The following PHACTR1 variants were observed in gnomAD, a reference collection of about 807,000 sequenced individuals.
PHACTR1 encodes the protein RPEL repeat containing 1.
PHACTR1 carries 16 observed loss-of-function variants against 69.2 expected under a neutral mutation model. That is an observed-to-expected ratio of 0.23 (90% confidence interval 0.16 to 0.35). The LOEUF (loss-of-function observed/expected upper bound fraction) is 0.35, where lower values mean the gene tolerates loss of function less well. PHACTR1 is among the 10% of genes least tolerant of loss of function. PHACTR1 has a pLI of 1.00. For missense variants in PHACTR1, 510 were observed against 734.7 expected (o/e 0.69, Z 3.54); for synonymous variants, 312 against 284.5 (o/e 1.10, Z -0.97).
intron 4 of PHACTR1, among the ~76,000 whole-genome samples, chr6:12,863,450 C>T (rs966467782): frequency 1.3e-5 from 2 of 152,216 alleles, no homozygotes; most frequent in African/African-American, 4.8e-5. Context: ...CCTCTAAATA[C>T]TGTCATATTG....
At chr6:13,277,986 A>T (rs924900707) in intron 11 of PHACTR1, 1 of 204,960 alleles carries the variant, frequency 4.9e-6, no homozygotes, top group African/African-American at 2.3e-5. Context: ...CCTTGTAGCC[A>T]CATTTCTCAA....
intron 7 of PHACTR1, among the ~76,000 whole-genome samples, chr6:13,201,560 G>A (rs924942742): frequency 6.6e-6 from 1 of 152,196 alleles, no homozygotes; most frequent in Non-Finnish European, 1.5e-5. Flanking sequence ...CTGGTACAGA[G>A]TGGGGACAGA....
chr6:12,753,749 G>A (rs752033821), intron 4 of PHACTR1, among the ~76,000 whole-genome samples: 1 of 152,054 alleles, frequency 6.6e-6, no homozygotes, highest in Non-Finnish European at 1.5e-5. Flanking sequence ...GACAATGGCA[G>A]TCAGAACTGG....
intron 4 of PHACTR1, among the ~76,000 whole-genome samples, chr6:12,932,708 C>G (rs1420367264): frequency 1.3e-5 from 2 of 152,154 alleles, no homozygotes; most frequent in Non-Finnish European, 2.9e-5. Flanking sequence ...CAGTGGTTTC[C>G]TAAGCTTTTG....
At chr6:13,072,586 G>C (rs1400269705) in intron 5 of PHACTR1, among the ~76,000 whole-genome samples, 1 of 152,014 alleles carries the variant, frequency 6.6e-6, no homozygotes, top group African/African-American at 2.4e-5. Context: ...TGTCATAGTA[G>C]AAACTCTAGC....
At chr6:13,267,629 T>C (rs1402378798) in intron 10 of PHACTR1, 1 of 152,136 alleles carries the variant, frequency 6.6e-6, no homozygotes, top group African/African-American at 2.4e-5. Flanking sequence ...AAACTGTTGA[T>C]CCAGTTTTAC....
intron 3 of PHACTR1, among the ~76,000 whole-genome samples, chr6:12,728,758 T>C (rs1199905806): frequency 6.6e-6 from 1 of 152,140 alleles, no homozygotes; most frequent in African/African-American, 2.4e-5. Context: ...TATGGTGTTT[T>C]AGAAAAACAT....
At chr6:12,795,827 T>G (rs1479117589) in intron 4 of PHACTR1, among the ~76,000 whole-genome samples, 4 of 152,114 alleles carry the variant, frequency 2.6e-5, no homozygotes, top group Non-Finnish European at 4.4e-5. Flanking sequence ...GAAAATTTTC[T>G]TCAGGGGAAG....
chr6:13,283,197 AT>A lies in PHACTR1; in HGVS notation c.1510-224del. On this transcript the variant is annotated intron_variant, in intron 12 of 14. Coordinates refer to ENST00000332995, the MANE Select transcript of PHACTR1 (RefSeq NM_030948.6). This position sits in a 1 kb window ranked among gnomAD's most constrained non-coding sequence, Gnocchi z 4.7. ...GCTTGGCCTAGAGGGTATGTAAGGG[AT>A]AACAAAGCTCTCTCTTAGGACCTAG... The A allele has an allele frequency of 2.1e-6, 1 of 485,594 alleles. No homozygotes were observed. The highest frequency in any genetic ancestry group is 3.6e-6 in the Non-Finnish European group (1 of 275,140). The allele number at this position is 485,594 out of a possible 1,614,324, so 30.1% of individuals were successfully genotyped here. A position where few individuals can be genotyped will look rare whatever the true frequency, so the allele number is the denominator to read the frequency against.
chr6:13,175,950 G>A (rs1191587330), intron 6 of PHACTR1, among the ~76,000 whole-genome samples: 1 of 152,008 alleles, frequency 6.6e-6, no homozygotes, highest in Non-Finnish European at 1.5e-5. Flanking sequence ...GAGTCAACAC[G>A]GGTCCAGGGC....
intron 4 of PHACTR1, among the ~76,000 whole-genome samples, chr6:13,014,722 TG>T (rs1799909962): frequency 7.0e-6 from 1 of 143,720 alleles, no homozygotes; most frequent in African/African-American, 2.6e-5. Context: ...GACCAAAATG[TG>T]GAGAGGTGGG....
At chr6:12,949,491 T>C (rs1791053791) in intron 4 of PHACTR1, among the ~76,000 whole-genome samples, 1 of 152,084 alleles carries the variant, frequency 6.6e-6, no homozygotes, top group Admixed American at 6.5e-5. Flanking sequence ...CCAAATCCAC[T>C]GTGTTTGTTT....
intron 4 of PHACTR1, among the ~76,000 whole-genome samples, chr6:12,925,608 T>A (rs1210154550): frequency 6.6e-6 from 1 of 152,226 alleles, no homozygotes; most frequent in Admixed American, 6.5e-5. Context: ...ATTCCTCTTG[T>A]TATTCAGAAT....
At chr6:13,159,486 G>A (rs1444604512) in intron 5 of PHACTR1, among the ~76,000 whole-genome samples, 1 of 152,192 alleles carries the variant, frequency 6.6e-6, no homozygotes, top group Admixed American at 6.5e-5. Context: ...GAAGTACCAT[G>A]TTCAGGAAAG....
intron 4 of PHACTR1, among the ~76,000 whole-genome samples, chr6:12,762,421 T>C (rs1407206186): frequency 6.6e-6 from 1 of 152,238 alleles, no homozygotes; most frequent in Non-Finnish European, 1.5e-5. Context: ...TGTATTTTAC[T>C]GCATTTGACA....
At chr6:13,231,014 A>AG (rs758614300) in intron 10 of PHACTR1, among the ~76,000 whole-genome samples, 6 of 144,758 alleles carry the variant, frequency 4.1e-5, no homozygotes, top group Non-Finnish European at 7.6e-5. Context: ...AGAGAGAGAG[A>AG]GAAGGAAAGA....
intron 5 of PHACTR1, among the ~76,000 whole-genome samples, chr6:13,129,247 G>GA (rs1389455994): frequency 1.3e-5 from 2 of 151,352 alleles, no homozygotes; most frequent in Non-Finnish European, 3.0e-5. Context: ...TAACACAGTG[G>GA]AAAAAAAACA....
chr6:12,877,911 G>A (rs188817316), intron 4 of PHACTR1, among the ~76,000 whole-genome samples: 1 of 152,172 alleles, frequency 6.6e-6, no homozygotes, highest in Non-Finnish European at 1.5e-5. Flanking sequence ...TCTGGCATCT[G>A]CTGACTCTTC....
At chr6:12,778,830 A>G (rs1419008086) in intron 4 of PHACTR1, among the ~76,000 whole-genome samples, 1 of 152,198 alleles carries the variant, frequency 6.6e-6, no homozygotes, top group African/African-American at 2.4e-5. Flanking sequence ...ATTTTTCTGT[A>G]TAGTATATTA....
Sources: allele counts gnomAD v4.1 joint callset (sites outside exome capture counted in the v4.1 genomes callset), GRCh38; gene constraint gnomAD v4.1.1; non-coding constraint Gnocchi (gnomAD v3.1); transcripts MANE v1.5; gene names NCBI Gene and HGNC (gene_info 2026-07-23, HGNC 2026-07-21).